HS2ST1: variants seen among roughly 807,000 people sequenced by gnomAD.
The protein encoded by HS2ST1 is heparan sulfate 2-O-sulfotransferase 1.
A neutral mutation model predicts 42.9 loss-of-function variants in HS2ST1; 18 were observed. The observed-to-expected ratio is 0.42, with a 90% CI of 0.29 to 0.62. The LOEUF is 0.62. Ranked by LOEUF, HS2ST1 falls within the 20% of genes least tolerant of loss-of-function variation. HS2ST1 has a pLI of 0.21. For missense variants in HS2ST1, 334 were observed against 433.8 expected, an observed-to-expected ratio of 0.77 and a Z score of 2.04; for synonymous variants, 146 against 152.9, an observed-to-expected ratio of 0.95 and a Z score of 0.33.
intron 1 of HS2ST1, among the ~76,000 whole-genome samples, chr1:86,948,558 G>A (rs1647404981): frequency 6.6e-6 from 1 of 152,182 alleles, no homozygotes; most frequent in Admixed American, 6.5e-5. Flanking sequence ...GACCAGAATT[G>A]TGGTTTGTTT....
intron 1 of HS2ST1, among the ~76,000 whole-genome samples, chr1:86,949,264 A>T (rs1027381640): frequency 2.0e-5 from 3 of 152,034 alleles, no homozygotes; most frequent in African/African-American, 7.2e-5. Context: ...ACATACCACC[A>T]TGTCCGTCTA....
At chr1:86,972,942 A>T (rs556871369) in intron 1 of HS2ST1, among the ~76,000 whole-genome samples, 71 of 152,336 alleles carry the variant, frequency 4.7e-4, no homozygotes, top group African/African-American at 1.6e-3. Context: ...AGTTTGTACA[A>T]TGTGCTCTCA....
At chr1:86,943,495 G>A (rs913650398) in intron 1 of HS2ST1, among the ~76,000 whole-genome samples, 1 of 152,038 alleles carries the variant, frequency 6.6e-6, no homozygotes, top group Non-Finnish European at 1.5e-5. Context: ...GTTGAGGCTG[G>A]TGGATCACTT....
rs1244937916 is a variant in HS2ST1 at position 87,073,066 on chromosome 1, G to A, written c.257G>A (p.Ser86Asn). ...IIYNRVPKTA[S>N]TSFTNIAYDL... ...TATAACAGAGTTCCCAAAACGGCAA[G>A]CACTTCATTTACCAATATCGCCTAT... is the stretch of plus-strand genomic sequence containing the variant. Residue 86 changes from serine (S) to asparagine (N), a missense_variant, in exon 2 of 7, where the codon AGC becomes AAC. Coordinates refer to ENST00000370550, the MANE Select transcript of HS2ST1 (RefSeq NM_012262.4). 6.2e-7 allele frequency: 1 copy of A among 1,613,950 alleles called. No individual in the cohort carries two copies.
chr1:86,977,161 A>G (rs1241610785), intron 1 of HS2ST1, among the ~76,000 whole-genome samples: 1 of 152,200 alleles, frequency 6.6e-6, no homozygotes, highest in East Asian at 1.9e-4. Context: ...TAAAAGGAAG[A>G]ATATTAGTGC....
At chr1:86,995,235 A>G (rs968021685) in intron 1 of HS2ST1, among the ~76,000 whole-genome samples, 2 of 152,192 alleles carry the variant, frequency 1.3e-5, no homozygotes, top group Non-Finnish European at 2.9e-5. Flanking sequence ...ATGCACATAA[A>G]TGTCAAAATT....
chr1:87,035,567 T>C (rs1055219829), intron 1 of HS2ST1, among the ~76,000 whole-genome samples: 20 of 152,198 alleles, frequency 1.3e-4, no homozygotes, highest in Admixed American at 9.8e-4. Context: ...TTTTCACTTA[T>C]AGTGTAGACC....
intron 1 of HS2ST1, among the ~76,000 whole-genome samples, chr1:87,026,108 G>T (rs12130693): frequency 2.0e-5 from 3 of 152,246 alleles, no homozygotes; most frequent in African/African-American, 7.2e-5. Flanking sequence ...AAAGATACTA[G>T]TATTCACAGC....
chr1:87,015,283 T>C (rs1003234194), intron 1 of HS2ST1, among the ~76,000 whole-genome samples: 3 of 151,926 alleles, frequency 2.0e-5, no homozygotes, highest in Non-Finnish European at 4.4e-5. Flanking sequence ...CTTGACCTCA[T>C]GATCTGCTCG....
intron 1 of HS2ST1, among the ~76,000 whole-genome samples, chr1:86,924,955 T>G (rs1436226293): frequency 6.6e-6 from 1 of 152,224 alleles, no homozygotes; most frequent in Non-Finnish European, 1.5e-5. Flanking sequence ...TATTGCATTG[T>G]CAGTCTTAAA....
At chr1:87,086,358 C>G (rs1031402772) in intron 3 of HS2ST1, among the ~76,000 whole-genome samples, 4 of 152,244 alleles carry the variant, frequency 2.6e-5, no homozygotes, top group Admixed American at 2.6e-4. Context: ...TGAAAAAAAT[C>G]TATGTATGCA....
At chr1:86,964,376 C>T (rs1316854683) in intron 1 of HS2ST1, among the ~76,000 whole-genome samples, 1 of 152,262 alleles carries the variant, frequency 6.6e-6, no homozygotes, top group East Asian at 1.9e-4. Flanking sequence ...GAGACTCTGT[C>T]TGCAATCCCG....
intron 1 of HS2ST1, among the ~76,000 whole-genome samples, chr1:86,946,880 C>G (rs964598057): frequency 6.6e-6 from 1 of 152,080 alleles, no homozygotes; most frequent in African/African-American, 2.4e-5. Context: ...CTTGTGAGAC[C>G]TCTTATTTTT....
At chr1:86,985,653 A>G (rs1485402829) in intron 1 of HS2ST1, among the ~76,000 whole-genome samples, 1 of 151,818 alleles carries the variant, frequency 6.6e-6, no homozygotes, top group African/African-American at 2.4e-5. Context: ...TCCTTAAAAA[A>G]TAACAACAAC....
intron 1 of HS2ST1, among the ~76,000 whole-genome samples, chr1:86,979,990 C>T (rs1648531550): frequency 6.6e-6 from 1 of 152,106 alleles, no homozygotes; most frequent in Non-Finnish European, 1.5e-5. Flanking sequence ...TTTGGAAAAT[C>T]TTGCTCAATA....
intron 4 of HS2ST1, 61 bp from the exon 5 acceptor site, chr1:87,097,777 G>A: frequency 6.3e-7 from 1 of 1,590,170 alleles, no homozygotes; most frequent in South Asian, 1.1e-5. Context: ...TACCACATTA[G>A]ATATTTGATA....
intron 1 of HS2ST1, among the ~76,000 whole-genome samples, chr1:86,947,170 A>T (rs551403129): frequency 6.6e-6 from 1 of 152,350 alleles, no homozygotes; most frequent in South Asian, 2.1e-4. Flanking sequence ...AGGGAGACAT[A>T]CTTTCTTTAT....
At chr1:86,988,338 T>C (rs1423075814) in intron 1 of HS2ST1, among the ~76,000 whole-genome samples, 2 of 152,248 alleles carry the variant, frequency 1.3e-5, no homozygotes, top group Non-Finnish European at 2.9e-5. Context: ...TTGTCCCCGC[T>C]ACCGTCCCTC....
chr1:87,014,126 A>C (rs528293944), intron 1 of HS2ST1, among the ~76,000 whole-genome samples: 2 of 152,210 alleles, frequency 1.3e-5, no homozygotes, highest in African/African-American at 4.8e-5. Flanking sequence ...TTACAACAGC[A>C]CCCCACTACC....
Sources: allele counts gnomAD v4.1 joint callset (sites outside exome capture counted in the v4.1 genomes callset), GRCh38; gene constraint gnomAD v4.1.1; transcripts MANE v1.5; gene names NCBI Gene and HGNC (gene_info 2026-07-23, HGNC 2026-07-21).